Variants in FABP7 observed in about 807,000 individuals in gnomAD.
FABP7 encodes fatty acid binding protein 7, also known as fatty acid-binding protein, brain.
A neutral mutation model predicts 14.2 loss-of-function variants in FABP7; 13 were observed. The observed-to-expected ratio is 0.91, with a 90% confidence interval of 0.59 to 1.45. The LOEUF is 1.45. Ranked by LOEUF, FABP7 falls within the 40% of genes most tolerant of loss-of-function variation. The pLI, the probability that FABP7 is intolerant of heterozygous loss-of-function variation, is 0.00. For synonymous variants in FABP7, 49 were observed against 51.4 expected (o/e 0.95, Z 0.20); for missense variants, 149 against 157.6 (o/e 0.95, Z 0.29).
At chr6:122,783,039 G>A (rs1051667356) in intron 3 of FABP7, 3 of 985,190 alleles carry the variant, frequency 3.0e-6, no homozygotes, top group Non-Finnish European at 3.6e-6. Context: ...TAGACTACAA[G>A]GATATACTAT....
the FABP7 span, among the ~76,000 whole-genome samples, chr6:122,752,756 G>A: frequency 6.6e-6 from 1 of 152,160 alleles, no homozygotes; most frequent in Non-Finnish European, 1.5e-5. Context: ...GCTCTATTTA[G>A]AGTTTACAGA....
chr6:122,757,024 G>A, the FABP7 span, among the ~76,000 whole-genome samples: 2 of 152,072 alleles, frequency 1.3e-5, no homozygotes, highest in African/African-American at 2.4e-5. Context: ...GGAAACTAAG[G>A]GTTAAGTGAT....
At chr6:122,764,550 AAAAC>A in the FABP7 span, among the ~76,000 whole-genome samples, 4 of 152,224 alleles carry the variant, frequency 2.6e-5, no homozygotes, top group East Asian at 1.9e-4. Context: ...AAAAAAAGAG[AAAAC>A]AAACAAGACA....
At chr6:122,764,935 G>C in the FABP7 span, among the ~76,000 whole-genome samples, 1 of 152,156 alleles carries the variant, frequency 6.6e-6, no homozygotes, top group African/African-American at 2.4e-5. Context: ...TTACTAATTT[G>C]CAAGGGAAAT....
the FABP7 span, among the ~76,000 whole-genome samples, chr6:122,762,277 C>T: frequency 2.0e-5 from 3 of 152,058 alleles, no homozygotes; most frequent in Non-Finnish European, 2.9e-5. Flanking sequence ...TAAAGAGAAC[C>T]AATGGCAAAA....
the FABP7 span, among the ~76,000 whole-genome samples, chr6:122,774,381 AAAAAAGACAGAG>A: frequency 4.1e-5 from 2 of 48,280 alleles, no homozygotes; most frequent in South Asian, 4.3e-4. Context: ...AAAAAAAAAA[AAAAAAGACAGAG>A]AGAGAGAGAA....
the FABP7 span, among the ~76,000 whole-genome samples, chr6:122,757,052 C>A: frequency 6.6e-6 from 1 of 152,104 alleles, no homozygotes; most frequent in Non-Finnish European, 1.5e-5. Flanking sequence ...TAATTTGGTC[C>A]CATGGCTTTA....
At chr6:122,758,365 C>G in the FABP7 span, among the ~76,000 whole-genome samples, 1 of 152,046 alleles carries the variant, frequency 6.6e-6, no homozygotes. Flanking sequence ...ACCTTGGCCT[C>G]CCAGTGTTAT....
intron 3 of FABP7, chr6:122,782,594 G>A (rs1286305200): frequency 2.0e-6 from 2 of 985,298 alleles, no homozygotes; most frequent in Non-Finnish European, 2.4e-6. Flanking sequence ...TGTGTGACCT[G>A]CAATGGTATA....
chr6:122,783,873 C>T lies in FABP7; in HGVS notation c.*106C>T. On this transcript the variant is annotated 3_prime_UTR_variant, in exon 4 of 4. Transcript: ENST00000368444. ...GCTGATCATTAATTAGAAGGTTATC[C>T]TTGGTGTGGAGGTGGAAAATGGTGA... 1.1e-6 allele frequency: 1 copy of T among 928,140 alleles called. No individual in the cohort carries two copies. 57.5% of individuals were successfully genotyped at this position (928,140 alleles called of 1,614,324 possible).
At position 122,780,368 on chromosome 6, in the gene FABP7, G is replaced by C; in HGVS notation, c.151G>C (p.Val51Leu). 1 of 1,614,130 alleles carries C rather than the reference G, an allele frequency of 6.2e-7. No homozygotes were observed. The highest frequency in any genetic ancestry group is 1.1e-5 in the South Asian group (1 of 91,056). ...VIISQEGDKV[V>L]IRTLSTFKNT... The stretch of plus-strand genomic sequence containing the variant: ...TATCAGTCAAGAAGGAGACAAAGTG[G>C]TCATCAGGACTCTCAGCACATTCAA... The change falls in exon 2 of 4, where the codon GTC becomes CTC. Residue 51 changes from valine to leucine, a missense_variant. Coordinates refer to ENST00000368444, the MANE Select transcript of FABP7 (RefSeq NM_001446.5).
At chr6:122,780,544 G>T in intron 2 of FABP7, 81 bp downstream of exon 2, 4 of 1,408,186 alleles carry the variant, frequency 2.8e-6, no homozygotes, top group Non-Finnish European at 3.9e-6. Context: ...TTTTTTTTAA[G>T]ATGTTGGAAA....
At chr6:122,783,065 A>G in intron 3 of FABP7, 1 of 985,442 alleles carries the variant, frequency 1.0e-6, no homozygotes, top group Non-Finnish European at 1.2e-6. Context: ...TGAACATCAC[A>G]TCAATACATG....
chr6:122,779,868 G>A lies in FABP7; in HGVS notation c.73+1G>A, dbSNP rs779452266. The A allele has an allele frequency of 1.9e-6, 3 of 1,613,810 alleles. No individual in the cohort carries two copies. The highest frequency in any genetic ancestry group is 2.5e-6 in the Non-Finnish European group (3 of 1,179,790). ...TTTGATGAGTACATGAAGGCTCTAGGTAGGTAACAATAAGACCGGCTGTTC... is the reference window on the plus strand; with the variant it reads ...TTTGATGAGTACATGAAGGCTCTAGATAGGTAACAATAAGACCGGCTGTTC... On this transcript the variant is annotated splice_donor_variant, in intron 1 of 3. Transcript: ENST00000368444. LOFTEE classifies it high-confidence loss of function.
chr6:122,775,716 AC>A (rs1017129528), upstream of FABP7, among the ~76,000 whole-genome samples: 5 of 151,986 alleles, frequency 3.3e-5, no homozygotes, highest in African/African-American at 1.2e-4. Context: ...AAAAAAACAA[AC>A]AAAAAAATAC....
chr6:122,755,116 C>G, the FABP7 span, among the ~76,000 whole-genome samples: 1 of 152,032 alleles, frequency 6.6e-6, no homozygotes, highest in African/African-American at 2.4e-5. Context: ...TGTCCTCTCT[C>G]TCTCACTTAC....
At chr6:122,777,148 TC>T (rs1408367401), upstream of FABP7, among the ~76,000 whole-genome samples, 1 of 152,238 alleles carries the variant, frequency 6.6e-6, no homozygotes, top group African/African-American at 2.4e-5. Context: ...AATTTTATGT[TC>T]TTAGAATACA....
the FABP7 span, among the ~76,000 whole-genome samples, chr6:122,753,585 G>C: frequency 6.6e-6 from 1 of 152,052 alleles, no homozygotes; most frequent in Admixed American, 6.6e-5. Flanking sequence ...ACCGATAGAG[G>C]GTCATGACTG....
At chr6:122,771,222 T>C in the FABP7 span, among the ~76,000 whole-genome samples, 125 of 152,278 alleles carry the variant, frequency 8.2e-4, 2 homozygotes, top group East Asian at 0.021. Context: ...TGCGGTGGTG[T>C]TCTGGGAGTA....
Sources: allele counts gnomAD v4.1 joint callset (sites outside exome capture counted in the v4.1 genomes callset), GRCh38; gene constraint gnomAD v4.1.1; transcripts MANE v1.5; gene names NCBI Gene and HGNC (gene_info 2026-07-23, HGNC 2026-07-21).